PCDHGB4: variants seen among roughly 807,000 people sequenced by gnomAD.
PCDHGB4 encodes protocadherin gamma-B4.
A neutral mutation model predicts 60.5 loss-of-function variants in PCDHGB4; 38 were observed. That is an observed-to-expected ratio of 0.63 (90% CI 0.48 to 0.82). The LOEUF (loss-of-function observed/expected upper bound fraction) is 0.82. Among genes scored for constraint, PCDHGB4 ranks in the 40% least tolerant of loss-of-function variants. The probability of loss-of-function intolerance (pLI) is 0.00; values close to 1 mark genes in which losing one functional copy is unlikely to be tolerated. For synonymous variants in PCDHGB4, 456 were observed against 509.7 expected (o/e 0.89, Z 1.42); for missense variants, 1,109 against 1,209.6 (o/e 0.92, Z 1.23).
intron 2 of PCDHGB4, among the ~76,000 whole-genome samples, chr5:141,495,685 T>TA (rs758775501): frequency 1.3e-5 from 2 of 152,210 alleles, no homozygotes; most frequent in African/African-American, 2.4e-5. Context: ...TGCCATGGCA[T>TA]AAGTGCTCAA....
rs770419617 is a variant in PCDHGB4, at chr5:141,421,523, C to T, written c.2397+31242C>T. The T allele has an allele frequency of 2.5e-6, 4 of 1,614,034 alleles. No homozygotes were observed. In the Admixed American group the frequency reaches 5.0e-5, roughly 20 times the overall value. ...ATAGACCGGGAGGAGCTCTGTGAGA[C>T]GGTGTCCTCCTGTTTTTTAAATATG... On this transcript the variant is annotated intron_variant, in intron 1 of 3. Transcript: ENST00000519479.
chr5:141,478,826 G>A, intron 1 of PCDHGB4: 2 of 1,439,244 alleles, frequency 1.4e-6, no homozygotes, highest in Non-Finnish European at 1.8e-6. Context: ...AACCAATCTT[G>A]CTAAGGGATG....
chr5:141,465,049 T>G (rs546927594), intron 1 of PCDHGB4, among the ~76,000 whole-genome samples: 1 of 152,016 alleles, frequency 6.6e-6, no homozygotes, highest in Non-Finnish European at 1.5e-5. Flanking sequence ...ACCCTATATA[T>G]TTTTTTGAAT....
At chr5:141,452,909 TAC>T (rs1370071626) in intron 1 of PCDHGB4, among the ~76,000 whole-genome samples, 2 of 152,232 alleles carry the variant, frequency 1.3e-5, no homozygotes, top group African/African-American at 4.8e-5. Context: ...GTTGGCATTA[TAC>T]AGTAAGAAAG....
chr5:141,390,418 A>T (rs2092141411), intron 1 of PCDHGB4, 137 bp downstream of exon 1: 1 of 1,099,772 alleles, frequency 9.1e-7, no homozygotes, highest in Admixed American at 2.6e-5. Context: ...TAGTCAGTTA[A>T]AAAGCTGTCA....
intron 2 of PCDHGB4, among the ~76,000 whole-genome samples, chr5:141,504,443 A>C (rs1043353401): frequency 2.0e-5 from 3 of 152,070 alleles, no homozygotes; most frequent in African/African-American, 4.8e-5. Context: ...CAGTGTGACT[A>C]GTGCCATGTG....
chr5:141,433,262 T>C (rs2097580507), intron 1 of PCDHGB4: 1 of 1,339,318 alleles, frequency 7.5e-7, no homozygotes, highest in Non-Finnish European at 1.0e-6. Context: ...GGTACGATCA[T>C]AGCTCACTGC....
intron 1 of PCDHGB4, chr5:141,478,581 T>C: frequency 6.3e-7 from 1 of 1,580,158 alleles, no homozygotes; most frequent in Non-Finnish European, 8.6e-7. Flanking sequence ...ACCCTGTTAG[T>C]GCTTTTTTAT....
chr5:141,427,871 G>T, intron 1 of PCDHGB4: 1 of 1,559,532 alleles, frequency 6.4e-7, no homozygotes, highest in Non-Finnish European at 8.8e-7. Flanking sequence ...TCGAGCTCAC[G>T]ATGCAGGCCC....
chr5:141,462,657 T>G (rs949098251), intron 1 of PCDHGB4, among the ~76,000 whole-genome samples: 1 of 152,164 alleles, frequency 6.6e-6, no homozygotes, highest in East Asian at 1.9e-4. Flanking sequence ...TCCTCAATTA[T>G]CTTCATATTT....
Position 141,477,464 on chromosome 5 carries a change from A to G in PCDHGB4, c.2398-17343A>G. The G allele has an allele frequency of 1.2e-6, 2 of 1,614,188 alleles. No homozygotes were observed. The highest frequency in any genetic ancestry group is 1.7e-6 in the Non-Finnish European group (2 of 1,180,034). On this transcript the variant is annotated intron_variant, in intron 1 of 3. Coordinates refer to ENST00000519479, the MANE Select transcript of PCDHGB4 (RefSeq NM_003736.4). This position sits in a 1 kb window ranked among gnomAD's most constrained non-coding sequence, Gnocchi z 4.9. ...AATAGTGCGTGTTCAAGTGTCCGAC[A>G]TCAATGACAACCCTCCACAATCTTC...
Position 141,431,067 on chromosome 5 carries a change from A to G in PCDHGB4, c.2397+40786A>G. The G allele has an allele frequency of 1.2e-6, 2 of 1,614,164 alleles. No homozygotes were observed. Among genetic ancestry groups the G allele is most frequent in the Non-Finnish European group, 1.7e-6 (2 of 1,179,976 alleles). Reference sequence around the variant, plus strand: ...CTCTGTATGGGGGCCATCAAGTGTCAATTAAATCTAGACATTCTGATGGAG... The same window carrying G: ...CTCTGTATGGGGGCCATCAAGTGTCGATTAAATCTAGACATTCTGATGGAG... On this transcript the variant is annotated intron_variant, in intron 1 of 3. Transcript: ENST00000519479. This position sits in a 1 kb window ranked among gnomAD's most constrained non-coding sequence, Gnocchi z 4.8.
intron 1 of PCDHGB4, chr5:141,393,568 T>G (rs549396721): frequency 1.2e-6 from 2 of 1,613,904 alleles, no homozygotes; most frequent in African/African-American, 2.7e-5. Context: ...GTGAAAGTCC[T>G]TGAGAACATG....
chr5:141,402,402 T>TTAAGATAC (rs1275769528), intron 1 of PCDHGB4, among the ~76,000 whole-genome samples: 2 of 152,012 alleles, frequency 1.3e-5, no homozygotes, highest in South Asian at 4.1e-4. Context: ...CAGAAAATTG[T>TTAAGATAC]TAAGATACAC....
intron 1 of PCDHGB4, chr5:141,394,876 G>T: frequency 1.2e-6 from 2 of 1,613,866 alleles, no homozygotes; most frequent in Middle Eastern, 1.6e-4. Flanking sequence ...AACGATTCGA[G>T]CCTTACACTC....
intron 3 of PCDHGB4, among the ~76,000 whole-genome samples, chr5:141,508,986 G>C (rs1298630784): frequency 2.0e-5 from 3 of 152,148 alleles, no homozygotes; most frequent in Non-Finnish European, 4.4e-5. Context: ...GTGGGGGCCA[G>C]CTGGGGTAGG....
chr5:141,421,425 C>T, intron 1 of PCDHGB4: 1 of 1,614,100 alleles, frequency 6.2e-7, no homozygotes, highest in Non-Finnish European at 8.5e-7. Context: ...GCGGAGTCCG[C>T]ATCGTCTCCA....
intron 1 of PCDHGB4, among the ~76,000 whole-genome samples, chr5:141,473,661 G>T (rs935648567): frequency 2.6e-5 from 4 of 152,172 alleles, no homozygotes; most frequent in Non-Finnish European, 4.4e-5. Context: ...TTGTGTGAAG[G>T]CCCTGAGACA....
At chr5:141,413,229 C>A in intron 1 of PCDHGB4, 1 of 1,613,914 alleles carries the variant, frequency 6.2e-7, no homozygotes, top group South Asian at 1.1e-5. Context: ...GCGGGCTGGT[C>A]CTGCTCTGCC....
Sources: gnomAD v4.1 joint callset for allele counts (sites outside exome capture counted in the v4.1 genomes callset) on GRCh38, gnomAD v4.1.1 for gene constraint, Gnocchi (gnomAD v3.1) non-coding constraint, MANE v1.5 for transcripts, NCBI Gene and HGNC (gene_info 2026-07-23, HGNC 2026-07-21) for gene names.